The following CHD6 variants were observed in gnomAD, a reference collection of about 807,000 sequenced individuals.
The protein encoded by CHD6 is chromodomain helicase DNA binding protein 6, also known as ATP-dependent chromatin remodeler CHD6.
Under a neutral mutation model 276.9 loss-of-function variants are expected in CHD6, and 50 were observed. That is an observed-to-expected ratio of 0.18 (90% CI 0.14 to 0.23). CHD6 has a LOEUF of 0.23. Ranked by LOEUF, CHD6 falls within the 10% of genes least tolerant of loss-of-function variation. CHD6 has a pLI of 1.00. For missense variants in CHD6, 2,564 were observed against 3,365.8 expected (o/e 0.76, Z 5.89); for synonymous variants, 1,173 against 1,229.3 (o/e 0.95, Z 0.96).
intron 10 of CHD6, among the ~76,000 whole-genome samples, chr20:41,492,941 G>C (rs991721918): frequency 6.6e-6 from 1 of 152,102 alleles, no homozygotes; most frequent in Admixed American, 6.5e-5. Flanking sequence ...TAAAAGCTCT[G>C]ATCCCAACTC....
intron 1 of CHD6, among the ~76,000 whole-genome samples, chr20:41,580,861 A>G (rs938650882): frequency 2.0e-5 from 3 of 152,132 alleles, no homozygotes; most frequent in African/African-American, 7.2e-5. Flanking sequence ...TTATTTCTCT[A>G]TTGATCTTAT....
intron 12 of CHD6, among the ~76,000 whole-genome samples, chr20:41,489,481 T>C (rs1464360982): frequency 6.6e-6 from 1 of 152,176 alleles, no homozygotes; most frequent in Non-Finnish European, 1.5e-5. Context: ...CACATAACAA[T>C]TCAGATAAAA....
At chr20:41,490,706 G>C (rs1248974695) in intron 11 of CHD6, among the ~76,000 whole-genome samples, 2 of 152,064 alleles carry the variant, frequency 1.3e-5, no homozygotes, top group Non-Finnish European at 2.9e-5. Context: ...CCAGCTACTA[G>C]GGAGGCAGAG....
chr20:41,610,328 A>G (rs945255623), intron 1 of CHD6, among the ~76,000 whole-genome samples: 3 of 152,204 alleles, frequency 2.0e-5, no homozygotes, highest in Admixed American at 2.0e-4. Context: ...GAGAATATGC[A>G]ACCCCGAATG....
chr20:41,521,500 T>C (rs1039824360), intron 3 of CHD6, among the ~76,000 whole-genome samples: 4 of 152,198 alleles, frequency 2.6e-5, no homozygotes, highest in Admixed American at 6.5e-5. Context: ...ATGACTTCTA[T>C]AACATGTATG....
chr20:41,500,127 G>T (rs986689899), intron 5 of CHD6, among the ~76,000 whole-genome samples: 1 of 151,910 alleles, frequency 6.6e-6, no homozygotes, highest in Non-Finnish European at 1.5e-5. Flanking sequence ...ATTTCTCAGT[G>T]GTTCATATGC....
intron 2 of CHD6, among the ~76,000 whole-genome samples, chr20:41,550,687 A>T (rs6102459): frequency 0.35 from 53,828 of 151,928 alleles, 12,325 homozygotes; most frequent in African/African-American, 0.63. Context: ...TCCAAGAGAC[A>T]CAGACAGGTC....
intron 3 of CHD6, among the ~76,000 whole-genome samples, chr20:41,522,507 T>C (rs934484911): frequency 6.6e-6 from 1 of 152,144 alleles, no homozygotes; most frequent in Non-Finnish European, 1.5e-5. Context: ...AGATTACTTA[T>C]TAGTTATAAG....
chr20:41,591,943 C>CA (rs1012807832), intron 1 of CHD6, among the ~76,000 whole-genome samples: 3 of 151,634 alleles, frequency 2.0e-5, no homozygotes, highest in Admixed American at 6.6e-5. Flanking sequence ...ACTAAAAATA[C>CA]AAAAAATTAG....
Position 41,452,098 on chromosome 20 carries a change from G to T in CHD6, c.3324-73C>A. ...CATGCAGGCAGCCTCCCCACAGGAGGAGAAACAAGAGCCATACATGCTTTT... is the reference window on the plus strand; with the variant it reads ...CATGCAGGCAGCCTCCCCACAGGAGTAGAAACAAGAGCCATACATGCTTTT... On this transcript the variant is annotated intron_variant, in intron 21 of 36. Coordinates refer to ENST00000373233, the MANE Select transcript of CHD6 (RefSeq NM_032221.5). This position sits in a 1 kb window ranked among gnomAD's most constrained non-coding sequence, Gnocchi z 4.2. 9.0e-7 allele frequency: 1 copy of T among 1,116,624 alleles called. No individual in the cohort carries two copies. The highest frequency in any genetic ancestry group is 2.5e-5 in the East Asian group (1 of 40,382). 69.2% of individuals were successfully genotyped at this position (1,116,624 alleles called of 1,614,324 possible).
rs968903072 is a variant in CHD6 at position 41,423,479 on chromosome 20, A to G, written c.4555+13T>C. The G allele has an allele frequency of 2.5e-6, 4 of 1,609,918 alleles. No homozygotes were observed. The African/African-American group carries it at 5.3e-5, about 22-fold the overall frequency. ...CCTTGTATCATCTGACAATATACTG[A>G]TAGTTTTCTCACCGCCATCTTTCCA... is the stretch of plus-strand genomic sequence containing the variant. On this transcript the variant is annotated intron_variant, in intron 30 of 36. Transcript: ENST00000373233.
chr20:41,431,625 C>T lies in CHD6; in HGVS notation c.4069-5472G>A, dbSNP rs1043202120. ...TTTAAAAATGCAATACAGACTGCCG[C>T]TTCTGGGATGCATTTCCCTATTCTT... On this transcript the variant is annotated intron_variant, in intron 27 of 36. Coordinates refer to ENST00000373233, the MANE Select transcript of CHD6 (RefSeq NM_032221.5). 2.6e-5 allele frequency among the ~76,000 whole-genome samples: 4 copies of T among 152,130 alleles called. No individual in the cohort carries two copies. In the East Asian group the frequency reaches 7.7e-4, roughly 29 times the overall value.
At chr20:41,545,691 C>A (rs2045026324) in intron 2 of CHD6, among the ~76,000 whole-genome samples, 1 of 152,166 alleles carries the variant, frequency 6.6e-6, no homozygotes, top group Non-Finnish European at 1.5e-5. Context: ...GGGACCAATT[C>A]TTTTGGGAAT....
At chr20:41,563,589 G>A (rs1274214973) in intron 1 of CHD6, among the ~76,000 whole-genome samples, 1 of 152,038 alleles carries the variant, frequency 6.6e-6, no homozygotes, top group Non-Finnish European at 1.5e-5. Flanking sequence ...ATCTTCCTTG[G>A]TCAGAAAAAA....
At chr20:41,493,114 G>A (rs1448050525) in intron 10 of CHD6, among the ~76,000 whole-genome samples, 1 of 151,970 alleles carries the variant, frequency 6.6e-6, no homozygotes, top group African/African-American at 2.4e-5. Context: ...TGCAGATAAA[G>A]GACAGTTCTT....
chr20:41,425,358 G>A lies in CHD6; in HGVS notation c.4166C>T (p.Pro1389Leu). 6.2e-7 allele frequency: 1 copy of A among 1,614,156 alleles called. No individual in the cohort carries two copies. Among genetic ancestry groups the A allele is most frequent in the Non-Finnish European group, 8.5e-7 (1 of 1,180,026 alleles). Reference sequence around the variant, plus strand: ...ACGAGCTGTGAGGGCGGAGGAAACTGGCCAGGGCGATTTGTCTGGGTCGGA... The same window carrying A: ...ACGAGCTGTGAGGGCGGAGGAAACTAGCCAGGGCGATTTGTCTGGGTCGGA... ...DGSDPDKSPW[P>L]VSSALTARLR... is the part of the protein sequence containing the mutation. Residue 1389 changes from proline to leucine, a missense_variant, in exon 29 of 37, where the codon CCA becomes CTA. Transcript: ENST00000373233.
At position 41,417,280 on chromosome 20, in the gene CHD6, T is replaced by C. The variant is rs2047029649; in HGVS notation, c.6197A>G (p.Asp2066Gly). The C allele has an allele frequency of 1.2e-6, 2 of 1,614,150 alleles. No homozygotes were observed. ...GGGAGCTCGAGCCTCCTGTAGCTCATCCCCAATGTCTCCTGTGATGCCCGA... is the reference window on the plus strand; with the variant it reads ...GGGAGCTCGAGCCTCCTGTAGCTCACCCCCAATGTCTCCTGTGATGCCCGA... ...STSGITGDIG[D>G]ELQEARAPTI... Residue 2066 changes from aspartate to glycine, a missense_variant, in exon 32 of 37, where the codon GAT becomes GGT. Asp to Gly is a moderately conservative substitution (Grantham distance 94). Around this residue, in one of 7 missense-constraint regions of CHD6, gnomAD observed 1,024 missense variants for 1,047.9 expected, o/e 0.98. Transcript: ENST00000373233.
rs1569036383 is a variant in CHD6, at chr20:41,405,331, A to C, written c.7410T>G (p.Asn2470Lys). 1 of 1,614,240 alleles carries C rather than the reference A, an allele frequency of 6.2e-7. No homozygotes were observed. The highest frequency in any genetic ancestry group is 2.2e-5 in the East Asian group (1 of 44,884). Residue 2470 changes from asparagine to lysine, a missense_variant, in exon 37 of 37, where the codon AAT becomes AAG. Around this residue, in one of 7 missense-constraint regions of CHD6, gnomAD observed 1,024 missense variants for 1,047.9 expected, o/e 0.98. Coordinates refer to ENST00000373233, the MANE Select transcript of CHD6 (RefSeq NM_032221.5). Reference sequence around the variant, plus strand: ...CCAGGTCCATCCCAGCAATCAGTCCATTCATGAACAGTGGCCCCATTCCAG... The same window carrying C: ...CCAGGTCCATCCCAGCAATCAGTCCCTTCATGAACAGTGGCCCCATTCCAG... Reference protein sequence around the residue: ...SPSGMGPLFMNGLIAGMDLVG... With the variant: ...SPSGMGPLFMKGLIAGMDLVG...
chr20:41,464,268 C>T (rs1361042071), intron 17 of CHD6, among the ~76,000 whole-genome samples: 1 of 152,134 alleles, frequency 6.6e-6, no homozygotes, highest in African/African-American at 2.4e-5. Context: ...ATGTTTCCCC[C>T]TATTAATTTA....
Sources: allele counts gnomAD v4.1 joint callset (sites outside exome capture counted in the v4.1 genomes callset), GRCh38; gene constraint gnomAD v4.1.1; regional missense constraint gnomAD v4.1.1; non-coding constraint Gnocchi (gnomAD v3.1); transcripts MANE v1.5; gene names NCBI Gene and HGNC (gene_info 2026-07-23, HGNC 2026-07-21).